Variants in LRRC9 observed in about 807,000 individuals in gnomAD.
The protein encoded by LRRC9 is leucine-rich repeat-containing protein 9.
LRRC9 carries 122 observed loss-of-function variants against 63.2 expected under a neutral mutation model. The ratio of observed to expected loss-of-function variants is 1.93; its 90% CI spans 1.67 to 2.24. The LOEUF (loss-of-function observed/expected upper bound fraction) is 2.24. LRRC9 is among the 30% of genes most tolerant of loss of function. LRRC9 has a pLI of 0.00. For missense variants in LRRC9, 1,071 were observed against 627.7 expected (o/e 1.71, Z -7.55); for synonymous variants, 366 against 213.1 (o/e 1.72, Z -6.25).
intron 8 of LRRC9, among the ~76,000 whole-genome samples, chr14:59,950,689 C>A (rs1344257139): frequency 3.0e-5 from 4 of 133,000 alleles, no homozygotes; most frequent in Non-Finnish European, 6.3e-5. Context: ...TTAGGGCAGG[C>A]CTGGTGGTGA....
chr14:59,936,073 G>A lies in LRRC9; in HGVS notation c.544-2317G>A, dbSNP rs1890114194. Among the ~76,000 whole-genome samples the A allele has an allele frequency of 6.6e-6, 1 of 152,028 alleles. No individual in the cohort carries two copies. Among genetic ancestry groups the A allele is most frequent in the Non-Finnish European group, 1.5e-5 (1 of 67,994 alleles). On this transcript the variant is annotated intron_variant, in intron 6 of 31. Transcript: ENST00000445360. The surrounding 1 kb of genome is among the most constrained non-coding windows in gnomAD (Gnocchi z 4.2). ...ATAATACGGTGGAACATGAAGTTTT[G>A]GTGAAATAACAATGTAAAGTACCTA...
chr14:60,025,326 T>C (rs1240101561), intron 27 of LRRC9, among the ~76,000 whole-genome samples: 1 of 151,800 alleles, frequency 6.6e-6, no homozygotes, highest in African/African-American at 2.4e-5. Context: ...GGTCTCAGAC[T>C]CCTGGCCTTA....
At chr14:60,043,345 G>A (rs1893117409) in intron 29 of LRRC9, among the ~76,000 whole-genome samples, 1 of 152,146 alleles carries the variant, frequency 6.6e-6, no homozygotes, top group Non-Finnish European at 1.5e-5. Flanking sequence ...AAAAACAGCA[G>A]TAAAAGTGGG....
At chr14:59,989,883 T>C (rs568859405) in intron 17 of LRRC9, among the ~76,000 whole-genome samples, 1 of 152,188 alleles carries the variant, frequency 6.6e-6, no homozygotes, top group African/African-American at 2.4e-5. Flanking sequence ...TACTCTGAGA[T>C]TTTTTTGGCT....
At chr14:59,956,370 G>A (rs1042077035) in intron 8 of LRRC9, among the ~76,000 whole-genome samples, 1 of 152,120 alleles carries the variant, frequency 6.6e-6, no homozygotes. Flanking sequence ...TTGTTGCATT[G>A]ATCCCTTTAC....
chr14:59,966,664 A>G lies in LRRC9; in HGVS notation c.1287A>G (p.Val429=). The change falls in exon 11 of 32, where the codon GTA becomes GTG. Residue 429 remains valine (V), a synonymous_variant. Transcript: ENST00000445360. The surrounding 1 kb of genome is among the most constrained non-coding windows in gnomAD (Gnocchi z 4.0). ...TCAGAACATACGGTATTACAGGAGT[A>G]AAAGTAAAACGCATCATTAAAGTTA... 1 of 698,168 alleles carries G rather than the reference A, an allele frequency of 1.4e-6. No homozygotes were observed. The highest frequency in any genetic ancestry group is 2.6e-6 in the Non-Finnish European group (1 of 383,036). The allele number at this position is 698,168 out of a possible 1,614,324, so 43.2% of individuals were successfully genotyped here. A position where few individuals can be genotyped will look rare whatever the true frequency, so the allele number is the denominator to read the frequency against.
In LRRC9 at chr14:60,040,604, T is replaced by C. The variant is rs559367175; in HGVS notation, c.3990+8541T>C. On this transcript the variant is annotated intron_variant, in intron 29 of 31. Coordinates refer to ENST00000445360, the Ensembl canonical transcript of LRRC9. ...AACCCCTGCATTTTTTTGTTTTCCA[T>C]TTCCTTGGTAGATCTTCCTCCATCC... 4.6e-5 allele frequency among the ~76,000 whole-genome samples: 7 copies of C among 152,030 alleles called. No homozygotes were observed. In the South Asian group the frequency reaches 1.2e-3, roughly 27 times the overall value.
intron 27 of LRRC9, among the ~76,000 whole-genome samples, 188 bp downstream of exon 27, chr14:60,023,058 T>C (rs1016213136): frequency 1.6e-4 from 25 of 152,150 alleles, no homozygotes; most frequent in Admixed American, 4.6e-4. Flanking sequence ...TAAAGGTCAA[T>C]GCAGTATTCT....
At chr14:59,921,811 C>A (rs1888803401) in intron 1 of LRRC9, among the ~76,000 whole-genome samples, 1 of 148,836 alleles carries the variant, frequency 6.7e-6, no homozygotes, top group African/African-American at 2.5e-5. Context: ...GTAGGCCAGG[C>A]ACGGTGGCTC....
intron 8 of LRRC9, among the ~76,000 whole-genome samples, chr14:59,956,206 C>A (rs1489241598): frequency 6.6e-6 from 1 of 152,062 alleles, no homozygotes; most frequent in African/African-American, 2.4e-5. Context: ...AACTTCCTGT[C>A]TTGTTGATCT....
chr14:59,945,159 A>C (rs1034798266), intron 8 of LRRC9, among the ~76,000 whole-genome samples: 6 of 151,784 alleles, frequency 4.0e-5, no homozygotes, highest in South Asian at 2.1e-4. Flanking sequence ...AAAAAAAAAA[A>C]CCCTTTCCTA....
intron 31 of LRRC9, among the ~76,000 whole-genome samples, chr14:60,061,224 A>T (rs1473657055): frequency 6.6e-6 from 1 of 152,202 alleles, no homozygotes; most frequent in Non-Finnish European, 1.5e-5. Context: ...GCTATCAAAC[A>T]TCATGTTGTA....
rs1884467871 is a variant in LRRC9, at chr14:59,962,680, G to C, written c.1211+1635G>C. Among the ~76,000 whole-genome samples the C allele has an allele frequency of 6.6e-6, 1 of 152,078 alleles. No homozygotes were observed. Among genetic ancestry groups the C allele is most frequent in the Non-Finnish European group, 1.5e-5 (1 of 68,010 alleles). On this transcript the variant is annotated intron_variant, in intron 10 of 31. Transcript: ENST00000445360. This position sits in a 1 kb window ranked among gnomAD's most constrained non-coding sequence, Gnocchi z 5.1. ...GGCCTCCCAAAGTGCTGAGATCACA[G>C]GCATGAGCCACTGTGCCCAGCTCCA...
intron 29 of LRRC9, among the ~76,000 whole-genome samples, chr14:60,041,643 T>C (rs1018412336): frequency 6.6e-6 from 1 of 152,228 alleles, no homozygotes; most frequent in African/African-American, 2.4e-5. Context: ...GCCATTCGTC[T>C]AATCCTTTTT....
At chr14:59,985,289 A>G (rs1189983739) in intron 17 of LRRC9, 65 bp downstream of exon 17, 10 of 556,384 alleles carry the variant, frequency 1.8e-5, no homozygotes, top group Non-Finnish European at 3.0e-5. Flanking sequence ...AATGGTGGTT[A>G]TCAGGGCCTA....
intron 17 of LRRC9, among the ~76,000 whole-genome samples, chr14:59,988,158 T>C (rs552691696): frequency 6.6e-6 from 1 of 152,332 alleles, no homozygotes; most frequent in African/African-American, 2.4e-5. Context: ...AGATGTTCCA[T>C]ACACATCTTA....
chr14:59,931,787 CAT>C (rs1889724757), intron 5 of LRRC9, 105 bp downstream of exon 5: 2 of 612,266 alleles, frequency 3.3e-6, no homozygotes, highest in South Asian at 2.0e-5. Context: ...TTTTCTGTGA[CAT>C]ATTTGCAAAG....
At chr14:59,988,946 C>T (rs219350) in intron 17 of LRRC9, among the ~76,000 whole-genome samples, 113,296 of 152,016 alleles carry the variant, frequency 0.75, 44,379 homozygotes, top group Non-Finnish European at 0.87. Flanking sequence ...ATTTATTTTT[C>T]TGGGGCATCT....
chr14:59,941,320 A>G (rs1881741314), intron 7 of LRRC9, among the ~76,000 whole-genome samples: 1 of 151,900 alleles, frequency 6.6e-6, no homozygotes, highest in South Asian at 2.1e-4. Context: ...CATTGTATAA[A>G]TCAAATTTTT....
Sources: allele counts gnomAD v4.1 joint callset (sites outside exome capture counted in the v4.1 genomes callset), GRCh38; gene constraint gnomAD v4.1.1; non-coding constraint Gnocchi (gnomAD v3.1); transcripts MANE v1.5; gene names NCBI Gene and HGNC (gene_info 2026-07-23, HGNC 2026-07-21).